PTPRN2: variants seen among roughly 807,000 people sequenced by gnomAD.
PTPRN2 encodes the protein receptor-type tyrosine-protein phosphatase N2.
Under a neutral mutation model 118.8 loss-of-function variants are expected in PTPRN2, and 74 were observed. The ratio of observed to expected loss-of-function variants is 0.62; its 90% CI spans 0.52 to 0.76. PTPRN2 has a LOEUF of 0.76. Among genes scored for constraint, PTPRN2 ranks in the 30% least tolerant of loss-of-function variants. PTPRN2 has a pLI of 0.00. For missense variants in PTPRN2, 1,481 were observed against 1,394.4 expected (o/e 1.06, Z -0.99); for synonymous variants, 641 against 608.0 (o/e 1.05, Z -0.80).
At chr7:158,189,891 T>C (rs1045383665) in intron 5 of PTPRN2, among the ~76,000 whole-genome samples, 2 of 152,104 alleles carry the variant, frequency 1.3e-5, no homozygotes, top group Admixed American at 6.5e-5. Flanking sequence ...GGTGCTAAAT[T>C]ACCAACGTTC....
intron 21 of PTPRN2, among the ~76,000 whole-genome samples, chr7:157,564,379 A>G (rs1307098417): frequency 1.3e-5 from 2 of 152,240 alleles, no homozygotes; most frequent in African/African-American, 4.8e-5. Context: ...TTGGCCTCCC[A>G]AAGTGCTGGG....
intron 3 of PTPRN2, among the ~76,000 whole-genome samples, chr7:158,222,053 A>G (rs1055297324): frequency 3.9e-5 from 6 of 152,222 alleles, no homozygotes; most frequent in African/African-American, 1.4e-4. Context: ...CAGAATGAAT[A>G]TTTTTAAAAA....
Position 157,623,262 on chromosome 7 carries a change from G to C in PTPRN2, c.2197-1753C>G, listed in dbSNP as rs181152002. 2.5e-3 allele frequency among the ~76,000 whole-genome samples: 388 copies of C among 152,314 alleles called. 4 individuals are homozygous for C. The highest frequency in any genetic ancestry group is 9.0e-3 in the African/African-American group (375 of 41,568). On this transcript the variant is annotated intron_variant, in intron 14 of 22. Coordinates refer to ENST00000389418, the MANE Select transcript of PTPRN2 (RefSeq NM_002847.5). The stretch of plus-strand genomic sequence containing the variant: ...CATCTAGCCCAAATCTGGTGTGTGA[G>C]GGAAGCTGGGAGGTTGATAGTTATG...
chr7:158,082,380 T>C (rs1433203949), intron 10 of PTPRN2, among the ~76,000 whole-genome samples: 1 of 152,210 alleles, frequency 6.6e-6, no homozygotes, highest in Non-Finnish European at 1.5e-5. Context: ...CACATGTATT[T>C]TTGATTCAGA....
At chr7:158,168,863 TG>T (rs1314529693) in intron 5 of PTPRN2, among the ~76,000 whole-genome samples, 1 of 152,188 alleles carries the variant, frequency 6.6e-6, no homozygotes, top group Non-Finnish European at 1.5e-5. Flanking sequence ...GTCCCCACAT[TG>T]TACCTCTGAC....
At chr7:158,160,405 G>T (rs1822254612) in intron 6 of PTPRN2, among the ~76,000 whole-genome samples, 6 of 152,278 alleles carry the variant, frequency 3.9e-5, no homozygotes, top group African/African-American at 1.2e-4. Flanking sequence ...GGACATCAGA[G>T]CTCCAGGTTT....
At chr7:157,830,834 C>G (rs777508007) in intron 12 of PTPRN2, among the ~76,000 whole-genome samples, 1 of 152,228 alleles carries the variant, frequency 6.6e-6, no homozygotes, top group Non-Finnish European at 1.5e-5. Context: ...AAATAAAAAG[C>G]AAGCTATTGG....
intron 2 of PTPRN2, among the ~76,000 whole-genome samples, chr7:158,422,559 A>G (rs972283360): frequency 3.3e-5 from 5 of 152,294 alleles, no homozygotes; most frequent in Non-Finnish European, 5.9e-5. Flanking sequence ...TGTAGTCCAC[A>G]TGAAAGAGCA....
chr7:158,123,951 G>C (rs1358486688), intron 9 of PTPRN2, among the ~76,000 whole-genome samples: 1 of 149,424 alleles, frequency 6.7e-6, no homozygotes. Flanking sequence ...TGCCGACCCA[G>C]GCGGAGCTGG....
At chr7:157,788,374 C>CAAAAAAAAAAAAAA (rs749886375) in intron 12 of PTPRN2, among the ~76,000 whole-genome samples, 57 of 75,450 alleles carry the variant, frequency 7.6e-4, no homozygotes, top group South Asian at 4.1e-3. Flanking sequence ...GACTCCATCT[C>CAAAAAAAAAAAAAA]AAAAAAAAAA....
At chr7:157,783,608 A>C (rs772162036) in intron 12 of PTPRN2, among the ~76,000 whole-genome samples, 3 of 151,244 alleles carry the variant, frequency 2.0e-5, no homozygotes, top group African/African-American at 4.9e-5. Flanking sequence ...TCCTGGCTAT[A>C]AAAAGTTCTG....
intron 2 of PTPRN2, among the ~76,000 whole-genome samples, chr7:158,319,408 A>AGCCTCCCCCCACACACACC (rs1802632245): frequency 1.1e-5 from 1 of 88,860 alleles, no homozygotes. Context: ...CCACACACAC[A>AGCCTCCCCCCACACACACC]CACAGCCTCC....
intron 2 of PTPRN2, among the ~76,000 whole-genome samples, chr7:158,329,651 C>T (rs989579868): frequency 6.6e-6 from 1 of 152,094 alleles, no homozygotes; most frequent in African/African-American, 2.4e-5. Context: ...TTCTAAGCCC[C>T]GCAATAGGTG....
chr7:158,069,579 G>A (rs971101583), intron 11 of PTPRN2, among the ~76,000 whole-genome samples: 1 of 150,270 alleles, frequency 6.7e-6, no homozygotes, highest in Non-Finnish European at 1.5e-5. Flanking sequence ...AACCCCCAAA[G>A]TGCTGGGATG....
At chr7:158,498,681 ATAAAAAGT>A (rs1822133461) in intron 1 of PTPRN2, among the ~76,000 whole-genome samples, 1 of 152,164 alleles carries the variant, frequency 6.6e-6, no homozygotes, top group Non-Finnish European at 1.5e-5. Context: ...GCTTTCACAG[ATAAAAAGT>A]TAAAGACAAG....
chr7:158,329,821 C>T (rs1329137192), intron 2 of PTPRN2, among the ~76,000 whole-genome samples: 1 of 152,172 alleles, frequency 6.6e-6, no homozygotes, highest in Non-Finnish European at 1.5e-5. Flanking sequence ...CCGCTCGAGG[C>T]TGTGTCCTCT....
intron 12 of PTPRN2, among the ~76,000 whole-genome samples, chr7:157,859,751 C>T (rs1203076442): frequency 9.6e-6 from 1 of 104,342 alleles, no homozygotes. Flanking sequence ...CCCCGGCCAC[C>T]ACCCACACTC....
rs140413319 is a variant in PTPRN2 at position 157,899,191 on chromosome 7, C to T, written c.1724-454G>A. Among the ~76,000 whole-genome samples, 564 of 152,334 alleles carry T rather than the reference C, an allele frequency of 3.7e-3. 3 individuals are homozygous for T. The highest frequency in any genetic ancestry group is 5.9e-3 in the Non-Finnish European group (401 of 68,032). Reference sequence around the variant, plus strand: ...ATGTGTGTATTTCTGCCATCAGCACCGCCAGCTATTTTGCAGCCTCTTGTT... The same window carrying T: ...ATGTGTGTATTTCTGCCATCAGCACTGCCAGCTATTTTGCAGCCTCTTGTT... On this transcript the variant is annotated intron_variant, in intron 11 of 22. Coordinates refer to ENST00000389418, the MANE Select transcript of PTPRN2 (RefSeq NM_002847.5).
chr7:158,072,077 G>GTCGTA (rs1811962680), intron 11 of PTPRN2, among the ~76,000 whole-genome samples: 2 of 126,738 alleles, frequency 1.6e-5, no homozygotes, highest in African/African-American at 2.8e-5. Flanking sequence ...GGAGGTGCTC[G>GTCGTA]TGGTGGTGGA....
Sources: gnomAD v4.1 joint callset for allele counts (sites outside exome capture counted in the v4.1 genomes callset) on GRCh38, gnomAD v4.1.1 for gene constraint, MANE v1.5 for transcripts, NCBI Gene and HGNC (gene_info 2026-07-23, HGNC 2026-07-21) for gene names.